GLP1R: variants seen among roughly 807,000 people sequenced by gnomAD.
The protein encoded by GLP1R is glucagon-like peptide 1 receptor.
In GLP1R, 32 loss-of-function variants were observed where a neutral mutation model predicts 68.4. That is an observed-to-expected ratio of 0.47 (90% CI 0.35 to 0.63). The LOEUF is 0.63. GLP1R is among the 20% of genes least tolerant of loss of function. The pLI is 0.00. For missense variants in GLP1R, 502 were observed against 594.9 expected, an observed-to-expected ratio of 0.84 and a Z score of 1.62; for synonymous variants, 263 against 244.4, an observed-to-expected ratio of 1.08 and a Z score of -0.71.
chr6:39,050,057 C>T (rs546759575), intron 1 of GLP1R, among the ~76,000 whole-genome samples: 2 of 152,300 alleles, frequency 1.3e-5, no homozygotes, highest in African/African-American at 4.8e-5. Context: ...ACAGACATAC[C>T]TCTCAGCTAA....
intron 3 of GLP1R, among the ~76,000 whole-genome samples, chr6:39,057,909 C>T (rs953206866): frequency 6.6e-6 from 1 of 152,174 alleles, no homozygotes; most frequent in East Asian, 1.9e-4. Flanking sequence ...CCCCCACCGT[C>T]CCCTGTATCG....
rs34093988 is a variant in GLP1R, at chr6:39,086,166, G to GACACACACAC, written c.*123_*132dup. 2.5e-3 allele frequency: 1,472 copies of GACACACACAC among 582,616 alleles called. 17 individuals are homozygous for GACACACACAC. In the African/African-American group the frequency reaches 0.027, roughly 11 times the overall value. The allele number at this position is 582,616 out of a possible 1,614,324, so 36.1% of individuals were successfully genotyped here. Reference sequence around the variant, plus strand: ...ACTCCCAGGGACAAGGGAAGGAAGGGACACACACACACACACACACACACA... The same window carrying GACACACACAC: ...ACTCCCAGGGACAAGGGAAGGAAGGGACACACACACACACACACACACACACACACACACA... On this transcript the variant is annotated 3_prime_UTR_variant, in exon 13 of 13. Transcript: ENST00000373256. This position sits in a 1 kb window ranked among gnomAD's most constrained non-coding sequence, Gnocchi z 4.5.
At chr6:39,082,345 A>T (rs1769028260) in intron 12 of GLP1R, among the ~76,000 whole-genome samples, 1 of 152,236 alleles carries the variant, frequency 6.6e-6, no homozygotes, top group Admixed American at 6.5e-5. Context: ...AAATGAAATG[A>T]GTAGCCTAAT....
chr6:39,062,588 G>A (rs966558336), intron 3 of GLP1R, among the ~76,000 whole-genome samples: 3 of 152,218 alleles, frequency 2.0e-5, no homozygotes, highest in Non-Finnish European at 4.4e-5. Flanking sequence ...ATGGTGCAGC[G>A]GCCGGGGGTC....
chr6:39,090,538 G>C lies in GLP1R; in HGVS notation c.*4465G>C, dbSNP rs1769256784. On this transcript the variant is annotated 3_prime_UTR_variant, in exon 13 of 13. Transcript: ENST00000373256. Reference sequence around the variant, plus strand: ...GTTCTTTCAGCTGTGACCAATTTGGGGGTGCAGCTGAGAGTGAGGTGCTGT... The same window carrying C: ...GTTCTTTCAGCTGTGACCAATTTGGCGGTGCAGCTGAGAGTGAGGTGCTGT... 6.6e-6 allele frequency among the ~76,000 whole-genome samples: 1 copy of C among 152,146 alleles called. No homozygotes were observed. Among genetic ancestry groups the C allele is most frequent in the Non-Finnish European group, 1.5e-5 (1 of 68,032 alleles).
At chr6:39,084,770 A>C (rs1263682809) in intron 12 of GLP1R, among the ~76,000 whole-genome samples, 3 of 152,184 alleles carry the variant, frequency 2.0e-5, no homozygotes, top group Admixed American at 2.0e-4. Context: ...TCAGTGCAGA[A>C]AATGTTCTTT....
chr6:39,066,345 A>G (rs762247630), intron 5 of GLP1R, 42 bp downstream of exon 5: 5 of 1,043,484 alleles, frequency 4.8e-6, no homozygotes, highest in East Asian at 4.7e-5. Context: ...CTTCATCCTA[A>G]CTCCCCCAGA....
rs139541454 is a variant in GLP1R at position 39,060,090 on chromosome 6, A to G, written c.283+2511A>G. 2.8e-4 allele frequency among the ~76,000 whole-genome samples: 42 copies of G among 152,258 alleles called. 1 individual carries two copies. Among genetic ancestry groups the G allele is most frequent in the Non-Finnish European group, 5.6e-4 (38 of 68,028 alleles). On this transcript the variant is annotated intron_variant, in intron 3 of 12. Coordinates refer to ENST00000373256, the MANE Select transcript of GLP1R (RefSeq NM_002062.5). ...CTCACTCCCTGAGTTACGGATGCTC[A>G]GAGACAACTACCACAGGCTCAAGCT...
chr6:39,086,245 A>AAT lies in GLP1R; in HGVS notation c.*173_*174dup. The AAT allele has an allele frequency of 1.7e-6, 1 of 578,546 alleles. No individual in the cohort carries two copies. The highest frequency in any genetic ancestry group is 3.0e-6 in the Non-Finnish European group (1 of 331,248). The allele number at this position is 578,546 out of a possible 1,614,324, so 35.8% of individuals were successfully genotyped here. On this transcript the variant is annotated 3_prime_UTR_variant, in exon 13 of 13. Coordinates refer to ENST00000373256, the MANE Select transcript of GLP1R (RefSeq NM_002062.5). This position sits in a 1 kb window ranked among gnomAD's most constrained non-coding sequence, Gnocchi z 4.5. The stretch of plus-strand genomic sequence containing the variant: ...CCTCCCCAAACCCATCAGACAGGTA[A>AAT]ATGGGCAGTGCCTCCTGGGACCATG...
At chr6:39,060,883 A>AC (rs1562006422) in intron 3 of GLP1R, among the ~76,000 whole-genome samples, 1 of 151,924 alleles carries the variant, frequency 6.6e-6, no homozygotes. Context: ...AGAAGGGGTA[A>AC]CCCCCCTCCA....
chr6:39,064,799 G>T (rs987895342), intron 3 of GLP1R, among the ~76,000 whole-genome samples: 1 of 152,222 alleles, frequency 6.6e-6, no homozygotes, highest in Admixed American at 6.5e-5. Context: ...GCCTGTGTTT[G>T]ATCTCTGTTA....
intron 3 of GLP1R, among the ~76,000 whole-genome samples, chr6:39,063,926 AACACAC>A (rs530782175): frequency 3.6e-4 from 47 of 130,258 alleles, no homozygotes; most frequent in Middle Eastern, 8.4e-3. Flanking sequence ...ACAGACACAT[AACACAC>A]ACACACACAC....
intron 3 of GLP1R, among the ~76,000 whole-genome samples, chr6:39,059,594 T>C (rs1292242915): frequency 6.6e-6 from 1 of 152,220 alleles, no homozygotes; most frequent in Non-Finnish European, 1.5e-5. Context: ...TTGACTCATC[T>C]GGGAGATGGT....
intron 7 of GLP1R, among the ~76,000 whole-genome samples, chr6:39,077,863 A>T (rs1219661097): frequency 1.3e-5 from 2 of 152,206 alleles, no homozygotes; most frequent in Non-Finnish European, 2.9e-5. Flanking sequence ...GGTAGGGAAG[A>T]GATGACTGAA....
At chr6:39,082,589 T>C (rs1769034410) in intron 12 of GLP1R, among the ~76,000 whole-genome samples, 1 of 152,150 alleles carries the variant, frequency 6.6e-6, no homozygotes, top group African/African-American at 2.4e-5. Flanking sequence ...CCTCCTCCAC[T>C]GCCATATCCT....
intron 12 of GLP1R, 63 bp downstream of exon 12, chr6:39,080,802 A>ATT: frequency 1.0e-6 from 1 of 995,826 alleles, no homozygotes; most frequent in Non-Finnish European, 1.5e-6. Flanking sequence ...CGTCTGGAGT[A>ATT]GTACAATGGG....
At chr6:39,060,407 G>A (rs1019382297) in intron 3 of GLP1R, among the ~76,000 whole-genome samples, 1 of 152,206 alleles carries the variant, frequency 6.6e-6, no homozygotes, top group African/African-American at 2.4e-5. Context: ...GGCTGGCAAG[G>A]TAAAGGGACC....
At chr6:39,055,455 AAC>A (rs920894968) in intron 1 of GLP1R, among the ~76,000 whole-genome samples, 1 of 152,162 alleles carries the variant, frequency 6.6e-6, no homozygotes, top group African/African-American at 2.4e-5. Flanking sequence ...AGTGCACAAA[AAC>A]ACTCAGAAGG....
intron 3 of GLP1R, among the ~76,000 whole-genome samples, chr6:39,060,315 A>T (rs1768327791): frequency 6.6e-6 from 1 of 152,232 alleles, no homozygotes; most frequent in African/African-American, 2.4e-5. Context: ...GAAGGGAGTT[A>T]TCTCAGGCAG....
Sources: allele counts gnomAD v4.1 joint callset (sites outside exome capture counted in the v4.1 genomes callset), GRCh38; gene constraint gnomAD v4.1.1; non-coding constraint Gnocchi (gnomAD v3.1); transcripts MANE v1.5; gene names NCBI Gene and HGNC (gene_info 2026-07-23, HGNC 2026-07-21).